RIPOR1: variants seen among roughly 807,000 people sequenced by gnomAD.
The protein encoded by RIPOR1 is RHO family interacting cell polarization regulator 1, also known as rho family-interacting cell polarization regulator 1.
Under a neutral mutation model 116.5 loss-of-function variants are expected in RIPOR1, and 58 were observed. The observed-to-expected ratio is 0.50, with a 90% CI of 0.40 to 0.62. RIPOR1 has a LOEUF of 0.62. RIPOR1 is among the 20% of genes least tolerant of loss of function. The pLI, the probability that RIPOR1 is intolerant of heterozygous loss-of-function variation, is 0.00. For synonymous variants in RIPOR1, 605 were observed against 650.0 expected (o/e 0.93, Z 1.05); for missense variants, 1,372 against 1,586.2 (o/e 0.86, Z 2.29).
rs1281584097 is a variant in RIPOR1, at chr16:67,542,473, C to T, written c.1687C>T (p.Pro563Ser). The T allele has an allele frequency of 6.2e-7, 1 of 1,613,894 alleles. No individual in the cohort carries two copies. The highest frequency in any genetic ancestry group is 8.5e-7 in the Non-Finnish European group (1 of 1,179,954). The change falls in exon 13 of 22, where the codon CCA (proline) becomes TCA (serine). Residue 563 changes from proline (P) to serine (S), a missense_variant. Around this residue, in one of 3 missense-constraint regions of RIPOR1, gnomAD observed 1,005 missense variants for 1,144.7 expected, o/e 0.88. Coordinates refer to ENST00000042381, the MANE Select transcript of RIPOR1 (RefSeq NM_024519.4). This position sits in a 1 kb window ranked among gnomAD's most constrained non-coding sequence, Gnocchi z 4.6. ...TGCCATTACCACTACCCACAGTGCT[C>T]CAAGCCCCCTCACTCACACTACTAC... is the stretch of plus-strand genomic sequence containing the variant. The part of the protein sequence containing the change: ...YSAITTTHSA[P>S]SPLTHTTTGS...
In RIPOR1 at chr16:67,541,947, C is replaced by T. The variant is rs977358583; in HGVS notation, c.1161C>T (p.Ser387=). 16 of 1,612,064 alleles carry T rather than the reference C, an allele frequency of 9.9e-6. No homozygotes were observed. The Admixed American group carries it at 1.0e-4, about 10-fold the overall frequency. Residue 387 remains serine (S), a synonymous_variant, in exon 13 of 22, where the codon AGC becomes AGT. Coordinates refer to ENST00000042381, the MANE Select transcript of RIPOR1 (RefSeq NM_024519.4). The surrounding 1 kb of genome is among the most constrained non-coding windows in gnomAD (Gnocchi z 4.6). ...CTGAATCTTCAGACGACTCATCCAG[C>T]CCACAGCTCTCAGGCACTGCCCGCC... ...LSSESSDDSS[S]PQLSGTARHS...
At chr16:67,524,415 G>A (rs78112832), upstream of RIPOR1, among the ~76,000 whole-genome samples, 804 of 152,254 alleles carry the variant, frequency 5.3e-3, 4 homozygotes, top group African/African-American at 0.018. Context: ...CCAACAGGCC[G>A]TGGTGCTTTG....
At position 67,543,229 on chromosome 16, in the gene RIPOR1, G is replaced by A. The variant is rs775211038; in HGVS notation, c.2443G>A (p.Glu815Lys). The change falls in exon 13 of 22, where the codon GAG becomes AAG. Residue 815 changes from glutamate (E) to lysine (K), a missense_variant. Glu to Lys is a moderately conservative substitution (Grantham distance 56). Around this residue, in one of 3 missense-constraint regions of RIPOR1, gnomAD observed 1,005 missense variants for 1,144.7 expected, o/e 0.88. Coordinates refer to ENST00000042381, the MANE Select transcript of RIPOR1 (RefSeq NM_024519.4). This position sits in a 1 kb window ranked among gnomAD's most constrained non-coding sequence, Gnocchi z 4.7. ...CCAGTTTCCTGAGCTGCAGGGCCTGGAGCAGGAGGTGACCCGCCTAGAAAG... is the reference window on the plus strand; with the variant it reads ...CCAGTTTCCTGAGCTGCAGGGCCTGAAGCAGGAGGTGACCCGCCTAGAAAG... The part of the protein sequence containing the change: ...RGQFPELQGL[E>K]QEVTRLESLL... The A allele has an allele frequency of 6.3e-7, 1 of 1,582,770 alleles. No homozygotes were observed. Among genetic ancestry groups the A allele is most frequent in the Non-Finnish European group, 8.6e-7 (1 of 1,162,588 alleles).
chr16:67,544,443 G>T lies in RIPOR1; in HGVS notation c.2733+12G>T. 1 of 1,600,816 alleles carries T rather than the reference G, an allele frequency of 6.2e-7. No homozygotes were observed. On this transcript the variant is annotated intron_variant, in intron 15 of 21. Transcript: ENST00000042381. The surrounding 1 kb of genome is among the most constrained non-coding windows in gnomAD (Gnocchi z 5.1). ...GTCGCCTCCTGCTGGTGAGGCTGAT[G>T]GTGTTCCCCCACCCTTCCTTTGTAA...
At position 67,544,456 on chromosome 16, in the gene RIPOR1, C is replaced by G. The variant is rs374331088; in HGVS notation, c.2733+25C>G. 4.6e-5 allele frequency: 74 copies of G among 1,591,924 alleles called. No individual in the cohort carries two copies. The highest frequency in any genetic ancestry group is 6.3e-5 in the Non-Finnish European group (74 of 1,169,324). ...GGTGAGGCTGATGGTGTTCCCCCAC[C>G]CTTCCTTTGTAACCCCTAACCCCAG... On this transcript the variant is annotated intron_variant, in intron 15 of 21. Coordinates refer to ENST00000042381, the MANE Select transcript of RIPOR1 (RefSeq NM_024519.4). The surrounding 1 kb of genome is among the most constrained non-coding windows in gnomAD (Gnocchi z 5.1).
chr16:67,523,884 C>G (rs909542498), upstream of RIPOR1, among the ~76,000 whole-genome samples: 6 of 151,950 alleles, frequency 3.9e-5, no homozygotes, highest in African/African-American at 1.5e-4. Context: ...TACTATATTG[C>G]CCAGTCTGGT....
At position 67,544,541 on chromosome 16, in the gene RIPOR1, C is replaced by T; in HGVS notation, c.2733+110C>T. ...TCCTCTGAGTGCCACACCCCAGTGC[C>T]CCAGGGCCCTTGGCATCTGGCCCTT... On this transcript the variant is annotated intron_variant, in intron 15 of 21. Transcript: ENST00000042381. The surrounding 1 kb of genome is among the most constrained non-coding windows in gnomAD (Gnocchi z 5.1). 5 of 1,534,342 alleles carry T rather than the reference C, an allele frequency of 3.3e-6. No homozygotes were observed. The highest frequency in any genetic ancestry group is 1.2e-5 in the South Asian group (1 of 85,248).
rs1288711369 is a variant in RIPOR1, at chr16:67,540,487, G to A, written c.661G>A (p.Gly221Ser). ...GLAGFARLCV[G>S]DQYEICMKYG... ...GGCTGGCTTCGCCAGGCTGTGTGTAGGCGATCAGTATGAGGTATGAGAATG... is the reference window on the plus strand; with the variant it reads ...GGCTGGCTTCGCCAGGCTGTGTGTAAGCGATCAGTATGAGGTATGAGAATG... The change falls in exon 9 of 22, where the codon GGC becomes AGC. Residue 221 changes from glycine to serine, a missense_variant. Gly to Ser is a moderately conservative substitution (Grantham distance 56). Coordinates refer to ENST00000042381, the MANE Select transcript of RIPOR1 (RefSeq NM_024519.4). This position sits in a 1 kb window ranked among gnomAD's most constrained non-coding sequence, Gnocchi z 4.7. 3.1e-6 allele frequency: 5 copies of A among 1,614,036 alleles called. No homozygotes were observed. The highest frequency in any genetic ancestry group is 4.2e-6 in the Non-Finnish European group (5 of 1,180,016).
chr16:67,539,061 C>T lies in RIPOR1; in HGVS notation c.329C>T (p.Ser110Phe). ...CAGATAAGGGAGTCCAAGAGGAATT[C>T]CCGCTTGGTGAGTGGCGGGAGGTAC... ...QGQIRESKRN[S>F]RLGFLYDLDK... The change falls in exon 4 of 22, where the codon TCC becomes TTC. Residue 110 changes from serine to phenylalanine, a missense_variant. Coordinates refer to ENST00000042381, the MANE Select transcript of RIPOR1 (RefSeq NM_024519.4). 1 of 1,612,678 alleles carries T rather than the reference C, an allele frequency of 6.2e-7. No homozygotes were observed. Among genetic ancestry groups the T allele is most frequent in the Non-Finnish European group, 8.5e-7 (1 of 1,179,620 alleles).
At chr16:67,532,056 T>C (rs2050675720) in intron 1 of RIPOR1, among the ~76,000 whole-genome samples, 1 of 149,170 alleles carries the variant, frequency 6.7e-6, no homozygotes, top group Non-Finnish European at 1.5e-5. Context: ...CACGCCCAGC[T>C]AATTTTTTTT....
Position 67,539,905 on chromosome 16 carries a change from A to T in RIPOR1, c.414+6A>T. 1 of 1,614,144 alleles carries T rather than the reference A, an allele frequency of 6.2e-7. No individual in the cohort carries two copies. The highest frequency in any genetic ancestry group is 1.7e-5 in the Admixed American group (1 of 60,018). On this transcript the variant is annotated splice_donor_region_variant and intron_variant, in intron 6 of 21. Transcript: ENST00000042381. ...TGGAGTTCCATGCCAGCAAGGTACG[A>T]GTGCAGCATGTGTGCAGAGTGGGGT...
In RIPOR1 at chr16:67,545,727, C is replaced by T. The variant is rs200327916; in HGVS notation, c.3254C>T (p.Ala1085Val). 94 of 1,600,090 alleles carry T rather than the reference C, an allele frequency of 5.9e-5. No homozygotes were observed. The highest frequency in any genetic ancestry group is 3.3e-4 in the Middle Eastern group (2 of 5,974). Residue 1085 changes from alanine to valine, a missense_variant, in exon 19 of 22, where the codon GCG becomes GTG. Physicochemically the swap from Ala to Val is moderately conservative, Grantham distance 64 (BLOSUM62 0). Coordinates refer to ENST00000042381, the MANE Select transcript of RIPOR1 (RefSeq NM_024519.4). This position sits in a 1 kb window ranked among gnomAD's most constrained non-coding sequence, Gnocchi z 4.8. Reference protein sequence around the residue: ...QAVVLKALRLAPEGRLRRDGL... With the variant: ...QAVVLKALRLVPEGRLRRDGL... ...GTTGTGCTGAAGGCCCTGAGATTGG[C>T]GCCCGAGGGGCGTCTGCGAAGGGAC... is the stretch of plus-strand genomic sequence containing the variant.
In RIPOR1 at chr16:67,541,977, A is replaced by G. The variant is rs774446202; in HGVS notation, c.1191A>G (p.Ser397=). ...SPQLSGTARH[S]PAPRPLVQQP... is the part of the protein sequence containing the mutation. ...AGCTCTCAGGCACTGCCCGCCACTC[A>G]CCAGCCCCTAGGCCCCTGGTGCAGC... Residue 397 remains serine, a synonymous_variant, in exon 13 of 22, where the codon TCA becomes TCG. Transcript: ENST00000042381. The surrounding 1 kb of genome is among the most constrained non-coding windows in gnomAD (Gnocchi z 4.6). The G allele has an allele frequency of 3.1e-6, 5 of 1,612,084 alleles. No homozygotes were observed. The highest frequency in any genetic ancestry group is 4.2e-6 in the Non-Finnish European group (5 of 1,179,702).
Position 67,545,660 on chromosome 16 carries a change from T to G in RIPOR1, c.3191-4T>G, listed in dbSNP as rs771278263. On this transcript the variant is annotated splice_polypyrimidine_tract_variant and splice_region_variant and intron_variant, in intron 18 of 21. Coordinates refer to ENST00000042381, the MANE Select transcript of RIPOR1 (RefSeq NM_024519.4). The surrounding 1 kb of genome is among the most constrained non-coding windows in gnomAD (Gnocchi z 4.8). ...CACCCACCCACCATATCCCCTTTTT[T>G]CAGTGCTACTGGTGCGGAATCTGAA... is the stretch of plus-strand genomic sequence containing the variant. 2 of 1,567,222 alleles carry G rather than the reference T, an allele frequency of 1.3e-6. No individual in the cohort carries two copies. The highest frequency in any genetic ancestry group is 1.7e-6 in the Non-Finnish European group (2 of 1,154,898).
upstream of RIPOR1, among the ~76,000 whole-genome samples, chr16:67,524,880 A>G (rs1224749047): frequency 1.3e-5 from 2 of 152,096 alleles, no homozygotes; most frequent in East Asian, 1.9e-4. Context: ...CCCCTCATAC[A>G]CACACACAGT....
At chr16:67,534,413 C>T (rs1018141303) in intron 1 of RIPOR1, among the ~76,000 whole-genome samples, 1 of 152,178 alleles carries the variant, frequency 6.6e-6, no homozygotes. Context: ...GCCACCGCAC[C>T]GGCCCAACAT....
rs1020408962 is a variant in RIPOR1, at chr16:67,540,971, C to T, written c.801+267C>T. Among the ~76,000 whole-genome samples the T allele has an allele frequency of 6.6e-6, 1 of 152,144 alleles. No individual in the cohort carries two copies. The highest frequency in any genetic ancestry group is 2.4e-5 in the African/African-American group (1 of 41,414). ...TCCTAAGCTCCCATGAGGCTGTGAC[C>T]TCTATGACCTCAGTGACCCTACCAT... On this transcript the variant is annotated intron_variant, in intron 10 of 21. Coordinates refer to ENST00000042381, the MANE Select transcript of RIPOR1 (RefSeq NM_024519.4). The surrounding 1 kb of genome is among the most constrained non-coding windows in gnomAD (Gnocchi z 4.7).
Position 67,541,232 on chromosome 16 carries a change from A to T in RIPOR1, c.802-198A>T. 1 of 592,664 alleles carries T rather than the reference A, an allele frequency of 1.7e-6. No individual in the cohort carries two copies. Among genetic ancestry groups the T allele is most frequent in the Non-Finnish European group, 2.9e-6 (1 of 345,276 alleles). 36.7% of individuals were successfully genotyped at this position (592,664 alleles called of 1,614,324 possible). On this transcript the variant is annotated intron_variant, in intron 10 of 21. Transcript: ENST00000042381. The surrounding 1 kb of genome is among the most constrained non-coding windows in gnomAD (Gnocchi z 4.6). Reference sequence around the variant, plus strand: ...AGGTGCACCACCATGCCTGGCTAAAAATTTTTTTTTTTTTTTTTTTTGAGA... The same window carrying T: ...AGGTGCACCACCATGCCTGGCTAAATATTTTTTTTTTTTTTTTTTTTGAGA...
upstream of RIPOR1, among the ~76,000 whole-genome samples, chr16:67,528,035 A>G (rs991379917): frequency 2.0e-5 from 3 of 151,978 alleles, no homozygotes; most frequent in African/African-American, 7.3e-5. Flanking sequence ...GGCCTGGAGA[A>G]GCCTCAGGGG....
Sources: gnomAD v4.1 joint callset for allele counts (sites outside exome capture counted in the v4.1 genomes callset) on GRCh38, gnomAD v4.1.1 for gene constraint, gnomAD v4.1.1 regional missense constraint, Gnocchi (gnomAD v3.1) non-coding constraint, MANE v1.5 for transcripts, NCBI Gene and HGNC (gene_info 2026-07-23, HGNC 2026-07-21) for gene names.